Variants in OPCML observed in about 807,000 individuals in gnomAD.
OPCML encodes the protein opioid-binding protein/cell adhesion molecule.
OPCML carries 13 observed loss-of-function variants against 37.8 expected under a neutral mutation model. The observed-to-expected ratio is 0.34, with a 90% CI of 0.22 to 0.55. The LOEUF is 0.55. Ranked by LOEUF, OPCML falls within the 20% of genes least tolerant of loss-of-function variation. The pLI, the probability that OPCML is intolerant of heterozygous loss-of-function variation, is 0.91. For synonymous variants in OPCML, 176 were observed against 168.8 expected (o/e 1.04, Z -0.33); for missense variants, 341 against 435.6 (o/e 0.78, Z 1.93).
At chr11:133,464,337 GT>G (rs1224712955) in intron 1 of OPCML, among the ~76,000 whole-genome samples, 1 of 148,266 alleles carries the variant, frequency 6.7e-6, no homozygotes, top group African/African-American at 2.6e-5. Context: ...ATCAAGCAAT[GT>G]TTTTGTCCCT....
At chr11:132,910,037 C>T (rs1456734115) in intron 2 of OPCML, among the ~76,000 whole-genome samples, 1 of 152,234 alleles carries the variant, frequency 6.6e-6, no homozygotes, top group Admixed American at 6.5e-5. Context: ...AGGGAGTGAG[C>T]AAGGGAGAAA....
intron 1 of OPCML, among the ~76,000 whole-genome samples, chr11:133,485,276 C>G (rs1434914974): frequency 6.6e-6 from 1 of 152,132 alleles, no homozygotes; most frequent in African/African-American, 2.4e-5. Context: ...ATAAGGGAAA[C>G]CCTTTCAAAA....
chr11:132,907,276 T>A (rs781219339), intron 2 of OPCML, among the ~76,000 whole-genome samples: 13 of 152,064 alleles, frequency 8.5e-5, no homozygotes, highest in Non-Finnish European at 1.6e-4. Context: ...TCCATGGGGG[T>A]TCATGCCTGT....
intron 2 of OPCML, among the ~76,000 whole-genome samples, chr11:132,895,702 A>G (rs1029044078): frequency 2.0e-5 from 3 of 152,174 alleles, no homozygotes; most frequent in African/African-American, 7.2e-5. Flanking sequence ...AGGGTTTTCC[A>G]TCTCTGTCTG....
intron 4 of OPCML, among the ~76,000 whole-genome samples, chr11:132,522,467 A>G (rs2096296227): frequency 6.6e-6 from 1 of 152,250 alleles, no homozygotes; most frequent in Non-Finnish European, 1.5e-5. Context: ...ACTCATCATA[A>G]TACCATCATA....
chr11:133,102,284 G>A (rs992276880), intron 1 of OPCML, among the ~76,000 whole-genome samples: 3 of 152,192 alleles, frequency 2.0e-5, no homozygotes, highest in African/African-American at 7.2e-5. Context: ...GGAGACTGCA[G>A]CAGATTTGCA....
chr11:132,872,309 G>C (rs1448888772), intron 2 of OPCML, among the ~76,000 whole-genome samples: 1 of 152,072 alleles, frequency 6.6e-6, no homozygotes, highest in Non-Finnish European at 1.5e-5. Flanking sequence ...CATTAAATCT[G>C]CCTCCTGAAC....
chr11:133,115,077 A>C (rs1565454940), intron 1 of OPCML, among the ~76,000 whole-genome samples: 1 of 152,206 alleles, frequency 6.6e-6, no homozygotes, highest in Non-Finnish European at 1.5e-5. Flanking sequence ...ATTGAGTGGG[A>C]GGTCAAAGGA....
chr11:133,087,003 G>A (rs1041062294), intron 1 of OPCML, among the ~76,000 whole-genome samples: 1 of 152,178 alleles, frequency 6.6e-6, no homozygotes, highest in Non-Finnish European at 1.5e-5. Flanking sequence ...GCCTGCCTGA[G>A]ATGAGATTGC....
rs111743817 is a variant in OPCML at position 132,711,757 on chromosome 11, TG to T, written c.147-54439del. Among the ~76,000 whole-genome samples, 12 of 152,320 alleles carry T rather than the reference TG, an allele frequency of 7.9e-5. 1 individual carries two copies. The highest frequency in any genetic ancestry group is 2.9e-4 in the African/African-American group (12 of 41,554). Reference sequence around the variant, plus strand: ...GAAATACAGTGTACACACACATATATGGTGCATATGTATATATGTGTATGTG... The same window carrying T: ...GAAATACAGTGTACACACACATATATGTGCATATGTATATATGTGTATGTG... On this transcript the variant is annotated intron_variant, in intron 2 of 7. Transcript: ENST00000524381.
chr11:132,456,488 G>A lies in OPCML; in HGVS notation c.506-19129C>T, dbSNP rs1282022887. On this transcript the variant is annotated intron_variant, in intron 4 of 7. Transcript: ENST00000524381. Reference sequence around the variant, plus strand: ...ATCTAGTCAAATACCCTCGTGATCTGTCTTGCTCATTTCCAAGTGCACTGT... The same window carrying A: ...ATCTAGTCAAATACCCTCGTGATCTATCTTGCTCATTTCCAAGTGCACTGT... Among the ~76,000 whole-genome samples the A allele has an allele frequency of 2.0e-5, 3 of 152,164 alleles. No individual in the cohort carries two copies. The East Asian group carries it at 5.8e-4, about 29-fold the overall frequency.
At chr11:132,691,459 T>C (rs1181955270) in intron 2 of OPCML, among the ~76,000 whole-genome samples, 2 of 152,232 alleles carry the variant, frequency 1.3e-5, no homozygotes, top group Non-Finnish European at 2.9e-5. Context: ...TTATTTCTCC[T>C]ACCAACTAAC....
At chr11:132,821,809 G>A (rs1161797117) in intron 2 of OPCML, among the ~76,000 whole-genome samples, 1 of 150,980 alleles carries the variant, frequency 6.6e-6, no homozygotes, top group African/African-American at 2.4e-5. Context: ...CCCACTAAAT[G>A]TCTCCTGGGA....
chr11:133,116,892 T>G (rs1233488035), intron 1 of OPCML, among the ~76,000 whole-genome samples: 1 of 151,766 alleles, frequency 6.6e-6, no homozygotes, highest in Non-Finnish European at 1.5e-5. Context: ...CTGAATCAAT[T>G]ATTTCTGTGG....
chr11:132,505,247 T>TA (rs143097617), intron 4 of OPCML, among the ~76,000 whole-genome samples: 28,539 of 151,868 alleles, frequency 0.19, 2,754 homozygotes, highest in Non-Finnish European at 0.2. Flanking sequence ...GAAAATACTG[T>TA]GGAAAAAGGA....
At chr11:132,937,313 C>T (rs894316823) in intron 2 of OPCML, among the ~76,000 whole-genome samples, 1 of 152,234 alleles carries the variant, frequency 6.6e-6, no homozygotes, top group Admixed American at 6.5e-5. Context: ...GAAAGACAGA[C>T]CTAAACCAAG....
At chr11:132,857,296 TG>T (rs1488302534) in intron 2 of OPCML, among the ~76,000 whole-genome samples, 1 of 152,236 alleles carries the variant, frequency 6.6e-6, no homozygotes, top group Non-Finnish European at 1.5e-5. Context: ...AAATGTGTGT[TG>T]AAATTCTTTG....
chr11:133,148,485 T>C (rs1228785847), intron 1 of OPCML, among the ~76,000 whole-genome samples: 1 of 152,124 alleles, frequency 6.6e-6, no homozygotes, highest in Non-Finnish European at 1.5e-5. Context: ...TGGCTGTTGG[T>C]TTTCACAGCC....
chr11:133,354,608 G>T (rs115352310), intron 1 of OPCML, among the ~76,000 whole-genome samples: 2 of 152,020 alleles, frequency 1.3e-5, no homozygotes, highest in Non-Finnish European at 2.9e-5. Context: ...CTCTACTTTC[G>T]CATTTAGTAA....
Sources: allele counts gnomAD v4.1 joint callset (sites outside exome capture counted in the v4.1 genomes callset), GRCh38; gene constraint gnomAD v4.1.1; transcripts MANE v1.5; gene names NCBI Gene and HGNC (gene_info 2026-07-23, HGNC 2026-07-21).